The following BMP7 variants were observed in gnomAD, a reference collection of about 807,000 sequenced individuals.
BMP7 encodes the protein bone morphogenetic protein 7.
BMP7 carries 12 observed loss-of-function variants against 41.2 expected under a neutral mutation model. The ratio of observed to expected loss-of-function variants is 0.29; its 90% CI spans 0.19 to 0.47. BMP7 has a LOEUF of 0.47. BMP7 is among the 20% of genes least tolerant of loss of function. The pLI is 0.99. For missense variants in BMP7, 467 were observed against 606.0 expected, an observed-to-expected ratio of 0.77 and a Z score of 2.41; for synonymous variants, 248 against 250.0, an observed-to-expected ratio of 0.99 and a Z score of 0.07.
intron 2 of BMP7, among the ~76,000 whole-genome samples, chr20:57,218,852 T>A (rs1395818212): frequency 1.6e-4 from 24 of 146,022 alleles, no homozygotes; most frequent in Admixed American, 1.4e-3. Flanking sequence ...CTGGTATGTG[T>A]TTGCTGGTAG....
rs1042799204 is a variant in BMP7, at chr20:57,266,323, C to A, written c.-201G>T. 1.4e-5 allele frequency: 5 copies of A among 347,386 alleles called. No homozygotes were observed. The highest frequency in any genetic ancestry group is 1.9e-5 in the Non-Finnish European group (4 of 206,754). The allele number at this position is 347,386 out of a possible 1,614,324, so 21.5% of individuals were successfully genotyped here. On this transcript the variant is annotated 5_prime_UTR_variant, in exon 1 of 7. Transcript: ENST00000395863. ...CCCTGCTCGGTGCTGGCCCCGGGCC[C>A]CTCGCCCCGCACTCGCCCGGGCGCA... is the stretch of plus-strand genomic sequence containing the variant.
chr20:57,209,365 A>C (rs1169646956), intron 2 of BMP7, among the ~76,000 whole-genome samples: 1 of 149,768 alleles, frequency 6.7e-6, no homozygotes, highest in Non-Finnish European at 1.5e-5. Flanking sequence ...GAATCGCTTG[A>C]GCCCAGGAGG....
intron 1 of BMP7, among the ~76,000 whole-genome samples, chr20:57,250,977 G>A (rs1409213698): frequency 6.6e-6 from 1 of 152,230 alleles, no homozygotes; most frequent in Admixed American, 6.5e-5. Context: ...TGGAGACACG[G>A]CTTGGGGGCC....
At chr20:57,220,570 G>A (rs1392423757) in intron 2 of BMP7, among the ~76,000 whole-genome samples, 1 of 152,182 alleles carries the variant, frequency 6.6e-6, no homozygotes, top group Non-Finnish European at 1.5e-5. Context: ...TATCCAGAGA[G>A]CTGCCTCCAC....
chr20:57,197,255 C>T (rs1186168484), intron 3 of BMP7, among the ~76,000 whole-genome samples: 1 of 151,910 alleles, frequency 6.6e-6, no homozygotes. Flanking sequence ...CAAGGGCAGC[C>T]CTGGTCACTT....
chr20:57,258,668 A>G (rs2066143116), intron 1 of BMP7, among the ~76,000 whole-genome samples: 1 of 152,212 alleles, frequency 6.6e-6, no homozygotes, highest in African/African-American at 2.4e-5. Context: ...AAAATTGGGG[A>G]AAAGATTCAG....
chr20:57,200,943 G>C (rs1012341975), intron 3 of BMP7, among the ~76,000 whole-genome samples: 1 of 152,220 alleles, frequency 6.6e-6, no homozygotes, highest in Non-Finnish European at 1.5e-5. Context: ...TCCATCCCAG[G>C]AGAGCTGGGT....
At chr20:57,206,756 C>T (rs969758854) in intron 2 of BMP7, among the ~76,000 whole-genome samples, 1 of 152,220 alleles carries the variant, frequency 6.6e-6, no homozygotes, top group East Asian at 1.9e-4. Context: ...CTCCAAGACA[C>T]TCCTGGAAGA....
intron 2 of BMP7, among the ~76,000 whole-genome samples, chr20:57,207,463 G>A (rs920460743): frequency 7.9e-5 from 12 of 152,186 alleles, no homozygotes; most frequent in African/African-American, 2.9e-4. Flanking sequence ...GTTGTTTTAA[G>A]CCACTACATA....
chr20:57,247,072 T>C (rs779539664), intron 1 of BMP7, among the ~76,000 whole-genome samples: 2 of 152,028 alleles, frequency 1.3e-5, no homozygotes, highest in Non-Finnish European at 2.9e-5. Context: ...ATTATTACAA[T>C]GGCTAACATA....
At chr20:57,209,249 T>TTATATATATATATA (rs57062226) in intron 2 of BMP7, among the ~76,000 whole-genome samples, 44 of 94,858 alleles carry the variant, frequency 4.6e-4, no homozygotes, top group South Asian at 8.0e-4. Context: ...TTATATATTT[T>TTATATATATATATA]TATATATATA....
rs1983800074 is a variant in BMP7, at chr20:57,170,848, T to G, written c.*111A>C. On this transcript the variant is annotated 3_prime_UTR_variant, in exon 7 of 7. Transcript: ENST00000395863. ...ACTCTCACACCTTTAAAGTTGGGGA[T>G]AGGGAGGGGAAGGTCTCACAAAAGG... 1 of 1,358,210 alleles carries G rather than the reference T, an allele frequency of 7.4e-7. No homozygotes were observed. Among genetic ancestry groups the G allele is most frequent in the East Asian group, 2.4e-5 (1 of 41,506 alleles). 84.1% of individuals were successfully genotyped at this position (1,358,210 alleles called of 1,614,324 possible). A position where few individuals can be genotyped will look rare whatever the true frequency, so the allele number is the denominator to read the frequency against.
intron 4 of BMP7, among the ~76,000 whole-genome samples, chr20:57,178,237 G>T (rs1381972210): frequency 6.6e-6 from 1 of 152,222 alleles, no homozygotes; most frequent in Non-Finnish European, 1.5e-5. Flanking sequence ...CATGTCTGAG[G>T]CCGCTGGAGT....
At chr20:57,216,551 A>AGGGGGCTGTCTCCTGAGGGCGAG (rs200926960) in intron 2 of BMP7, among the ~76,000 whole-genome samples, 3 of 115,534 alleles carry the variant, frequency 2.6e-5, no homozygotes, top group Non-Finnish European at 5.0e-5. Flanking sequence ...CCTGAGGGCG[A>AGGGGGCTGTCTCCTGAGGGCGAG]GGGGCTGTCT....
At chr20:57,221,164 C>G (rs1985180683) in intron 2 of BMP7, among the ~76,000 whole-genome samples, 1 of 152,130 alleles carries the variant, frequency 6.6e-6, no homozygotes, top group African/African-American at 2.4e-5. Context: ...CTGCTGGGCC[C>G]CACTCAGATC....
chr20:57,249,099 C>A (rs371169885), intron 1 of BMP7, among the ~76,000 whole-genome samples: 1 of 152,098 alleles, frequency 6.6e-6, no homozygotes, highest in South Asian at 2.1e-4. Flanking sequence ...CCACGCCCGG[C>A]TGACTGCTGA....
intron 6 of BMP7, among the ~76,000 whole-genome samples, chr20:57,172,393 T>C (rs1600725889): frequency 6.6e-6 from 1 of 151,742 alleles, no homozygotes; most frequent in Non-Finnish European, 1.5e-5. Flanking sequence ...ATGAAAGGGA[T>C]AGATGAGATT....
At chr20:57,207,811 GTTTTTTTTTT>G (rs572613876) in intron 2 of BMP7, among the ~76,000 whole-genome samples, 20 of 109,982 alleles carry the variant, frequency 1.8e-4, no homozygotes, top group African/African-American at 7.8e-4. Flanking sequence ...ACCCCAGTTG[GTTTTTTTTTT>G]TTTTTTTTTT....
chr20:57,216,501 AGGGCGAGGGGG>A (rs1985023240), intron 2 of BMP7, among the ~76,000 whole-genome samples: 1 of 149,354 alleles, frequency 6.7e-6, no homozygotes, highest in Non-Finnish European at 1.5e-5. Context: ...CTGTCTCCTG[AGGGCGAGGGGG>A]CTGTCTCCTG....
Sources: allele counts gnomAD v4.1 joint callset (sites outside exome capture counted in the v4.1 genomes callset), GRCh38; gene constraint gnomAD v4.1.1; transcripts MANE v1.5; gene names NCBI Gene and HGNC (gene_info 2026-07-23, HGNC 2026-07-21).